Variants in C8orf34 observed in about 807,000 individuals in gnomAD.
The protein encoded by C8orf34 is uncharacterized protein C8orf34.
Under a neutral mutation model 68.3 loss-of-function variants are expected in C8orf34, and 65 were observed. The ratio of observed to expected loss-of-function variants is 0.95; its 90% CI spans 0.78 to 1.17. The LOEUF (loss-of-function observed/expected upper bound fraction) is 1.17, where lower values mean the gene tolerates loss of function less well. Ranked by LOEUF, C8orf34 falls within the 50% of genes most tolerant of loss-of-function variation. The pLI, the probability that C8orf34 is intolerant of heterozygous loss-of-function variation, is 0.00. For synonymous variants in C8orf34, 244 were observed against 241.2 expected, an observed-to-expected ratio of 1.01 and a Z score of -0.11; for missense variants, 664 against 655.4, an observed-to-expected ratio of 1.01 and a Z score of -0.14.
At chr8:68,372,696 C>T (rs1049669850) in intron 1 of C8orf34, among the ~76,000 whole-genome samples, 4 of 152,144 alleles carry the variant, frequency 2.6e-5, no homozygotes, top group Non-Finnish European at 4.4e-5. Flanking sequence ...TGGTTTGCTG[C>T]ACCCATCAAC....
At chr8:68,352,989 A>T (rs781474283) in intron 1 of C8orf34, among the ~76,000 whole-genome samples, 3 of 152,138 alleles carry the variant, frequency 2.0e-5, no homozygotes, top group Middle Eastern at 3.2e-3. Flanking sequence ...TGGAATGCTT[A>T]TATCTCTTGC....
chr8:68,342,433 A>G (rs1806110294), intron 1 of C8orf34, among the ~76,000 whole-genome samples: 1 of 152,224 alleles, frequency 6.6e-6, no homozygotes, highest in Non-Finnish European at 1.5e-5. Context: ...TTTTCAAAGC[A>G]CACATCTAAC....
At chr8:68,798,955 A>C (rs1824254725) in intron 12 of C8orf34, among the ~76,000 whole-genome samples, 1 of 152,240 alleles carries the variant, frequency 6.6e-6, no homozygotes, top group Non-Finnish European at 1.5e-5. Context: ...TACATGCTTC[A>C]GACTACCTGC....
chr8:68,805,532 A>G (rs1824456653), intron 12 of C8orf34, among the ~76,000 whole-genome samples: 1 of 152,180 alleles, frequency 6.6e-6, no homozygotes, highest in Non-Finnish European at 1.5e-5. Flanking sequence ...GTTTTATATA[A>G]ATTTAAAAGT....
intron 3 of C8orf34, among the ~76,000 whole-genome samples, chr8:68,456,651 G>T (rs1037634087): frequency 4.6e-5 from 7 of 152,132 alleles, no homozygotes; most frequent in African/African-American, 1.7e-4. Flanking sequence ...GATCTGCAAG[G>T]TAACATTATA....
intron 7 of C8orf34, among the ~76,000 whole-genome samples, chr8:68,561,784 C>CA (rs1816437660): frequency 6.6e-6 from 1 of 151,774 alleles, no homozygotes. Flanking sequence ...AAACCAAAAC[C>CA]AAAAAAACAA....
chr8:68,481,598 G>A (rs1444565614), intron 4 of C8orf34, among the ~76,000 whole-genome samples: 10 of 152,214 alleles, frequency 6.6e-5, no homozygotes, highest in African/African-American at 2.4e-4. Flanking sequence ...CTAAGACTGT[G>A]TGCACCCACC....
intron 1 of C8orf34, among the ~76,000 whole-genome samples, chr8:68,419,655 A>G (rs1478590924): frequency 6.6e-6 from 1 of 151,866 alleles, no homozygotes; most frequent in Admixed American, 6.6e-5. Context: ...GCCATGAAAA[A>G]TGATGAGTTC....
chr8:68,596,617 A>G (rs1586426837), intron 7 of C8orf34, among the ~76,000 whole-genome samples: 1 of 152,098 alleles, frequency 6.6e-6, no homozygotes, highest in Non-Finnish European at 1.5e-5. Context: ...CTCCATTCCA[A>G]TGGGTACACG....
chr8:68,493,917 A>T (rs1813416100), intron 5 of C8orf34, among the ~76,000 whole-genome samples: 1 of 152,220 alleles, frequency 6.6e-6, no homozygotes, highest in Non-Finnish European at 1.5e-5. Context: ...ATTGTAACAA[A>T]TAAATTTATG....
chr8:68,457,830 C>G (rs1811618506), intron 3 of C8orf34, among the ~76,000 whole-genome samples: 1 of 152,072 alleles, frequency 6.6e-6, no homozygotes, highest in African/African-American at 2.4e-5. Context: ...GTAGTTGACA[C>G]TGTTCTTCTA....
intron 12 of C8orf34, among the ~76,000 whole-genome samples, chr8:68,793,520 T>C (rs1262684597): frequency 2.6e-5 from 4 of 151,962 alleles, no homozygotes; most frequent in African/African-American, 9.7e-5. Context: ...TGCAGGGACA[T>C]GGATGAAGGT....
At chr8:68,435,773 C>T (rs1339717202) in intron 1 of C8orf34, among the ~76,000 whole-genome samples, 1 of 152,210 alleles carries the variant, frequency 6.6e-6, no homozygotes, top group Non-Finnish European at 1.5e-5. Context: ...CAGAAGGCTA[C>T]ATATAGCTCA....
At chr8:68,774,191 A>G (rs1364057997) in intron 10 of C8orf34, among the ~76,000 whole-genome samples, 1 of 152,030 alleles carries the variant, frequency 6.6e-6, no homozygotes, top group African/African-American at 2.4e-5. Context: ...CACATAAAGG[A>G]CTGACTGGTT....
At chr8:68,702,398 T>A (rs1049080228) in intron 8 of C8orf34, among the ~76,000 whole-genome samples, 4 of 152,172 alleles carry the variant, frequency 2.6e-5, no homozygotes, top group African/African-American at 4.8e-5. Flanking sequence ...GAAGTTTAGT[T>A]CCTCTTGTTT....
At chr8:68,520,345 G>A (rs1042662794) in intron 5 of C8orf34, among the ~76,000 whole-genome samples, 1 of 152,138 alleles carries the variant, frequency 6.6e-6, no homozygotes, top group African/African-American at 2.4e-5. Context: ...ATATTACATT[G>A]TATGTACTGT....
chr8:68,617,675 C>T lies in C8orf34; in HGVS notation c.1106-22701C>T, dbSNP rs948680093. Among the ~76,000 whole-genome samples, 25 of 152,282 alleles carry T rather than the reference C, an allele frequency of 1.6e-4. No homozygotes were observed. In the East Asian group the frequency reaches 4.6e-3, roughly 28 times the overall value. The stretch of plus-strand genomic sequence containing the variant: ...ATCCGCTGTTAGTCTGATGGGCTTC[C>T]CTTTGTGGGTAACCCGACCTTTCTC... On this transcript the variant is annotated intron_variant, in intron 7 of 13. Transcript: ENST00000518698.
chr8:68,608,799 C>A (rs916540235), intron 7 of C8orf34, among the ~76,000 whole-genome samples: 1 of 151,954 alleles, frequency 6.6e-6, no homozygotes, highest in Non-Finnish European at 1.5e-5. Context: ...GCATTTGCAG[C>A]AATCCAACAG....
At chr8:68,637,054 T>A (rs1001517123) in intron 7 of C8orf34, among the ~76,000 whole-genome samples, 2 of 152,210 alleles carry the variant, frequency 1.3e-5, no homozygotes, top group Non-Finnish European at 2.9e-5. Context: ...TAGACTTTTC[T>A]ACCTTACCTG....
Sources: allele counts gnomAD v4.1 joint callset (sites outside exome capture counted in the v4.1 genomes callset), GRCh38; gene constraint gnomAD v4.1.1; transcripts MANE v1.5; gene names NCBI Gene and HGNC (gene_info 2026-07-23, HGNC 2026-07-21).